Variants in HUWE1 observed in about 807,000 individuals in gnomAD.
The protein encoded by HUWE1 is HECT, UBA and WWE domain containing E3 ubiquitin protein ligase 1.
A neutral mutation model predicts 299.4 loss-of-function variants in HUWE1; 18 were observed. The observed-to-expected ratio is 0.06, with a 90% CI of 0.04 to 0.09. The LOEUF (loss-of-function observed/expected upper bound fraction) is 0.09. Among genes scored for constraint, HUWE1 ranks in the 10% least tolerant of loss-of-function variants. The pLI, the probability that HUWE1 is intolerant of heterozygous loss-of-function variation, is 1.00. For synonymous variants in HUWE1, 1,317 were observed against 1,286.1 expected (o/e 1.02, Z -0.51); for missense variants, 1,832 against 3,462.3 (o/e 0.53, Z 11.82).
In HUWE1 at chrX:53,580,798, T is replaced by G; in HGVS notation, c.5716+33A>C. 2.5e-6 allele frequency: 3 copies of G among 1,193,415 alleles called. No individual in the cohort carries two copies. The East Asian group carries it at 8.9e-5, about 35-fold the overall frequency. ...CTGGATTTATACCAGGCCACAAACT[T>G]AATATCAAAGGCCAGGAGCAAGCGA... On this transcript the variant is annotated intron_variant, in intron 43 of 83. Coordinates refer to ENST00000262854, the MANE Select transcript of HUWE1 (RefSeq NM_031407.7).
chrX:53,562,709 C>T, intron 53 of HUWE1, 122 bp downstream of exon 53: 1 of 560,599 alleles, frequency 1.8e-6, no homozygotes, highest in Admixed American at 2.4e-5. Context: ...TATGTCAGCG[C>T]ATGCAGACAG....
At chrX:53,647,265 C>A in intron 6 of HUWE1, 103 bp downstream of exon 6, 1 of 595,227 alleles carries the variant, frequency 1.7e-6, no homozygotes, top group Non-Finnish European at 2.9e-6. Flanking sequence ...ACCCAGAGCT[C>A]CACAATGAAA....
chrX:53,549,568 A>C, intron 66 of HUWE1, 63 bp from the exon 67 acceptor site: 1 of 967,079 alleles, frequency 1.0e-6, no homozygotes, highest in East Asian at 3.1e-5. Flanking sequence ...ATTAGGCATA[A>C]GAATGGGGGA....
Position 53,629,596 on chromosome X carries a change from C to G in HUWE1, c.883G>C (p.Glu295Gln), listed in dbSNP as rs782189480. Residue 295 changes from glutamate (E) to glutamine (Q), a missense_variant, in exon 13 of 84, where the codon GAA (glutamate) becomes CAA (glutamine). Glu to Gln is a conservative substitution (Grantham distance 29, BLOSUM62 2). Transcript: ENST00000262854. The stretch of plus-strand genomic sequence containing the variant: ...TTATACAAGATACTGTTTGCTGATT[C>G]CTGCAAGGCATTGGAATACACTGCA... ...SILVYSNALQ[E>Q]SANSILYNGL... 1 of 1,192,105 alleles carries G rather than the reference C, an allele frequency of 8.4e-7. No homozygotes were observed. Among genetic ancestry groups the G allele is most frequent in the Non-Finnish European group, 1.1e-6 (1 of 877,776 alleles).
In HUWE1 at chrX:53,534,294, C is replaced by G. The variant is rs34234372; in HGVS notation, c.12832-97G>C. ...TAGGAAACAGGACTGGACTTGGTAT[C>G]TGAGGCAAGTCCCTTCTGTGGGATG... On this transcript the variant is annotated intron_variant, in intron 82 of 83. Transcript: ENST00000262854. 4.8e-3 allele frequency: 3,859 copies of G among 809,516 alleles called. 10 individuals carry two copies. The highest frequency in any genetic ancestry group is 5.9e-3 in the Non-Finnish European group (3,165 of 540,955). The allele number at this position is 809,516 out of a possible 1,213,427, so 66.7% of individuals were successfully genotyped here.
intron 3 of HUWE1, among the ~76,000 whole-genome samples, chrX:53,661,103 C>T (rs1557045235): frequency 9.5e-6 from 1 of 104,732 alleles, no homozygotes; most frequent in Non-Finnish European, 2.0e-5. Flanking sequence ...GGCGCAATCT[C>T]GGCTCACTGC....
intron 39 of HUWE1, 101 bp downstream of exon 39, chrX:53,586,387 CAG>C (rs2063858567): frequency 5.6e-6 from 3 of 540,123 alleles, no homozygotes; most frequent in Non-Finnish European, 9.7e-6. Context: ...ATACATTGGT[CAG>C]AGACTTCTAT....
intron 2 of HUWE1, chrX:53,684,241 CCTT>C (rs1234391759): frequency 3.8e-5 from 7 of 184,459 alleles, no homozygotes; most frequent in Non-Finnish European, 6.1e-5. Flanking sequence ...CTCGGCGAGA[CCTT>C]CTTAATTCAC....
intron 20 of HUWE1, 30 bp from the exon 21 acceptor site, chrX:53,617,177 C>T (rs1412087166): frequency 2.5e-5 from 30 of 1,178,752 alleles, no homozygotes; most frequent in Non-Finnish European, 2.8e-5. Context: ...AGCTTGAATG[C>T]ATCTAAAAGA....
intron 60 of HUWE1, 120 bp from the exon 61 acceptor site, chrX:53,555,040 A>G (rs2061935076): frequency 2.0e-6 from 1 of 498,486 alleles, no homozygotes; most frequent in Non-Finnish European, 3.2e-6. Context: ...CATCCCCACA[A>G]CAAAAATACT....
At chrX:53,574,556 G>A (rs1355505286) in intron 46 of HUWE1, among the ~76,000 whole-genome samples, 3 of 112,188 alleles carry the variant, frequency 2.7e-5, no homozygotes, top group Non-Finnish European at 3.8e-5. Flanking sequence ...CATCATCCAC[G>A]CTATACACTA....
In HUWE1 at chrX:53,607,648, G is replaced by C. The variant is rs1556998017; in HGVS notation, c.2371C>G (p.Gln791Glu). The change falls in exon 25 of 84, where the codon CAG (glutamine) becomes GAG (glutamate). Residue 791 changes from glutamine (Q) to glutamate (E), a missense_variant. By Grantham distance (29) the Gln-to-Glu change is conservative. This residue lies in a region of HUWE1 where 658 missense variants were observed against 1,282.6 expected (regional missense o/e 0.51). Coordinates refer to ENST00000262854, the MANE Select transcript of HUWE1 (RefSeq NM_031407.7). The stretch of plus-strand genomic sequence containing the variant: ...AGTCCTTTCTGATTCACAAATTCCT[G>C]GCAGTGGTCATCTGTTGTATTGTTG... Reference protein sequence around the residue: ...LSNNTTDDHCQEFVNQKGLLP... With the variant: ...LSNNTTDDHCEEFVNQKGLLP... The C allele has an allele frequency of 8.3e-7, 1 of 1,208,302 alleles. No homozygotes were observed.
Position 53,656,520 on chromosome X carries a change from T to A in HUWE1, c.-24-2389A>T, listed in dbSNP as rs2068752869. Reference sequence around the variant, plus strand: ...TAGTGCCACTGCACTCCAGCCTGGGTGACAGAGCGAGACTCCAGTCTCAAA... The same window carrying A: ...TAGTGCCACTGCACTCCAGCCTGGGAGACAGAGCGAGACTCCAGTCTCAAA... On this transcript the variant is annotated intron_variant, in intron 3 of 83. Coordinates refer to ENST00000262854, the MANE Select transcript of HUWE1 (RefSeq NM_031407.7). Among the ~76,000 whole-genome samples, 3 of 82,834 alleles carry A rather than the reference T, an allele frequency of 3.6e-5. No individual in the cohort carries two copies. In the East Asian group the frequency reaches 1.1e-3, roughly 29 times the overall value. The allele number at this position is 82,834 out of a possible 115,157, so 71.9% of individuals were successfully genotyped here. A position where few individuals can be genotyped will look rare whatever the true frequency, so the allele number is the denominator to read the frequency against.
chrX:53,562,736 C>T, intron 53 of HUWE1, 95 bp downstream of exon 53: 2 of 649,249 alleles, frequency 3.1e-6, no homozygotes, highest in Non-Finnish European at 2.6e-6. Context: ...CCTTATTCTG[C>T]ACATGTGGGC....
At chrX:53,676,526 A>G (rs149620618) in intron 3 of HUWE1, among the ~76,000 whole-genome samples, 263 of 112,313 alleles carry the variant, frequency 2.3e-3, no homozygotes, top group African/African-American at 8.2e-3. Context: ...CCCTTGGCAA[A>G]AACAGAATTT....
At chrX:53,570,793 A>C (rs1484313020) in intron 47 of HUWE1, among the ~76,000 whole-genome samples, 1 of 112,345 alleles carries the variant, frequency 8.9e-6, no homozygotes, top group African/African-American at 3.2e-5. Flanking sequence ...GTTGCACAAC[A>C]CTGCGAATGT....
rs2061626231 is a variant in HUWE1 at position 53,548,265 on chromosome X, G to A, written c.10044C>T (p.Pro3348=). Residue 3348 remains proline (P), a synonymous_variant, in exon 68 of 84, where the codon CCC becomes CCT. Coordinates refer to ENST00000262854, the MANE Select transcript of HUWE1 (RefSeq NM_031407.7). ...TGGTCCGCTGCTGTGTGAAGTGGCT[G>A]GGAAATACCTGCCGGGAAAAGGAGG... ...DTLIQLAKVF[P]SHFTQQRTKE... is the part of the protein sequence containing the mutation. 4.1e-6 allele frequency: 5 copies of A among 1,207,978 alleles called. No individual in the cohort carries two copies. In the African/African-American group the frequency reaches 8.7e-5, roughly 21 times the overall value.
Position 53,559,423 on chromosome X carries a change from T to C in HUWE1, c.7846A>G (p.Ile2616Val). The C allele has an allele frequency of 8.3e-7, 1 of 1,211,221 alleles. No individual in the cohort carries two copies. The highest frequency in any genetic ancestry group is 1.1e-6 in the Non-Finnish European group (1 of 895,142). The change falls in exon 57 of 84, where the codon ATC becomes GTC. Residue 2616 changes from isoleucine (I) to valine (V), a missense_variant. Around this residue, in one of 15 missense-constraint regions of HUWE1, gnomAD observed 170 missense variants for 335.8 expected, o/e 0.51. Coordinates refer to ENST00000262854, the MANE Select transcript of HUWE1 (RefSeq NM_031407.7). ...LLVGNDDVHI[I>V]ARSDDELLDD... ...AGCAGCTCATCATCAGAACGGGCGA[T>C]GATGTGGACGTCATCGTTGCCTACC...
intron 12 of HUWE1, among the ~76,000 whole-genome samples, chrX:53,630,212 G>A (rs2066779969): frequency 8.9e-6 from 1 of 112,244 alleles, no homozygotes; most frequent in Admixed American, 9.4e-5. Context: ...AATCATGCTA[G>A]ATATGAGTAC....
Sources: gnomAD v4.1 joint callset for allele counts (sites outside exome capture counted in the v4.1 genomes callset) on GRCh38, gnomAD v4.1.1 for gene constraint, gnomAD v4.1.1 regional missense constraint, MANE v1.5 for transcripts, NCBI Gene and HGNC (gene_info 2026-07-23, HGNC 2026-07-21) for gene names.